Variants in RGS9 observed in about 807,000 individuals in gnomAD.
The protein encoded by RGS9 is regulator of G protein signaling 9, also known as regulator of G-protein signalling 9.
RGS9 carries 78 observed loss-of-function variants against 102.0 expected under a neutral mutation model. The observed-to-expected ratio is 0.76, with a 90% confidence interval of 0.64 to 0.92. RGS9 has a LOEUF of 0.92. Among genes scored for constraint, RGS9 ranks in the 40% least tolerant of loss-of-function variants. The probability of loss-of-function intolerance (pLI) is 0.00; values close to 1 mark genes in which losing one functional copy is unlikely to be tolerated. For missense variants in RGS9, 833 were observed against 866.1 expected (o/e 0.96, Z 0.48); for synonymous variants, 353 against 318.6 (o/e 1.11, Z -1.15).
Position 65,160,279 on chromosome 17 carries a change from C to T in RGS9, c.252C>T (p.Tyr84=), listed in dbSNP as rs751169291. Reference sequence around the variant, plus strand: ...TTATTGTCAGGTATGGCTACATTTACCCCCTGCAAGACCCCAAGAATCTCA... The same window carrying T: ...TTATTGTCAGGTATGGCTACATTTATCCCCTGCAAGACCCCAAGAATCTCA... The part of the protein sequence containing the change: ...GNFIVRYGYI[Y]PLQDPKNLIL... Residue 84 remains tyrosine (Y), a synonymous_variant, in exon 4 of 19, where the codon TAC becomes TAT. Coordinates refer to ENST00000262406, the MANE Select transcript of RGS9 (RefSeq NM_003835.4). 30 of 1,614,200 alleles carry T rather than the reference C, an allele frequency of 1.9e-5. No individual in the cohort carries two copies. The highest frequency in any genetic ancestry group is 1.6e-4 in the Middle Eastern group (1 of 6,062).
intron 1 of RGS9, among the ~76,000 whole-genome samples, chr17:65,138,733 C>T (rs1302124609): frequency 2.0e-5 from 3 of 152,134 alleles, no homozygotes; most frequent in Non-Finnish European, 4.4e-5. Flanking sequence ...ACATCATCTT[C>T]CAGGATTTAT....
Position 65,137,511 on chromosome 17 carries a change from C to A in RGS9, c.-30C>A. On this transcript the variant is annotated 5_prime_UTR_variant, in exon 1 of 19. Coordinates refer to ENST00000262406, the MANE Select transcript of RGS9 (RefSeq NM_003835.4). ...CTTCTCCTCTTGTCTCCCACTGGTG[C>A]TCTGGCTGTGAATCCATCCAGGGGC... 6.2e-7 allele frequency: 1 copy of A among 1,608,822 alleles called. No individual in the cohort carries two copies. Among genetic ancestry groups the A allele is most frequent in the East Asian group, 2.2e-5 (1 of 44,856 alleles).
In RGS9 at chr17:65,138,343, A is replaced by T. The variant is rs140446585; in HGVS notation, c.57+746A>T. 3.1e-3 allele frequency among the ~76,000 whole-genome samples: 476 copies of T among 152,272 alleles called. 5 individuals carry two copies. The highest frequency in any genetic ancestry group is 0.011 in the African/African-American group (451 of 41,546). On this transcript the variant is annotated intron_variant, in intron 1 of 18. Transcript: ENST00000262406. ...CATCTTTGTCCTTCCTCCCACCCGT[A>T]GCCACTTTTCACAGCGTAGTGTCCA...
At chr17:65,196,732 A>G (rs566459888) in intron 12 of RGS9, among the ~76,000 whole-genome samples, 16 of 151,944 alleles carry the variant, frequency 1.1e-4, no homozygotes, top group Non-Finnish European at 2.2e-4. Context: ...TGATTGTAGC[A>G]CCCATCACCA....
At chr17:65,168,427 C>A in intron 8 of RGS9, 146 bp downstream of exon 8, 1 of 683,890 alleles carries the variant, frequency 1.5e-6, no homozygotes, top group Non-Finnish European at 2.7e-6. Context: ...GGTTAGCATC[C>A]AAGTGCCTCT....
chr17:65,164,672 CA>C lies in RGS9; in HGVS notation c.500+1584del, dbSNP rs372110226. Among the ~76,000 whole-genome samples the C allele has an allele frequency of 2.9e-3, 446 of 152,268 alleles. 1 individual carries two copies. Among genetic ancestry groups the C allele is most frequent in the African/African-American group, 0.01 (419 of 41,554 alleles). On this transcript the variant is annotated intron_variant, in intron 7 of 18. Coordinates refer to ENST00000262406, the MANE Select transcript of RGS9 (RefSeq NM_003835.4). Reference sequence around the variant, plus strand: ...ATGGCGGAACAGCTTTATTGCCCTCCAGGGGGGAAAATATGTTCTTAGGGTT... The same window carrying C: ...ATGGCGGAACAGCTTTATTGCCCTCCGGGGGGAAAATATGTTCTTAGGGTT...
At position 65,161,708 on chromosome 17, in the gene RGS9, A is replaced by ATATTTATTTATT. The variant is rs3034082; in HGVS notation, c.423+817_423+828dup. Among the ~76,000 whole-genome samples, 8 of 137,306 alleles carry ATATTTATTTATT rather than the reference A, an allele frequency of 5.8e-5. No individual in the cohort carries two copies. In the East Asian group the frequency reaches 1.4e-3, roughly 24 times the overall value. The allele number at this position is 137,306 out of a possible 152,430, so 90.1% of individuals were successfully genotyped here. A position where few individuals can be genotyped will look rare whatever the true frequency, so the allele number is the denominator to read the frequency against. On this transcript the variant is annotated intron_variant, in intron 6 of 18. Coordinates refer to ENST00000262406, the MANE Select transcript of RGS9 (RefSeq NM_003835.4). ...TTGCTGTGTTTTTATTTTTATTTAT[A>ATATTTATTTATT]TATTTATTTATTTATTTATTTATTT...
intron 1 of RGS9, among the ~76,000 whole-genome samples, chr17:65,141,931 T>C (rs1037418974): frequency 3.3e-5 from 5 of 152,094 alleles, no homozygotes; most frequent in African/African-American, 1.2e-4. Context: ...GGAAGTGAGT[T>C]TGGCGTTGAT....
At chr17:65,175,082 A>C (rs1207248024) in intron 8 of RGS9, among the ~76,000 whole-genome samples, 1 of 141,232 alleles carries the variant, frequency 7.1e-6, no homozygotes, top group Non-Finnish European at 1.5e-5. Context: ...AAACCATATT[A>C]ATGTGTGTGT....
In RGS9 at chr17:65,164,710, A is replaced by G. The variant is rs186056253; in HGVS notation, c.500+1621A>G. ...ATGTTCTTAGGGTTTAGAATCAGGTAGAACATCAGTGAGAGAGCTGCCACT... is the reference window on the plus strand; with the variant it reads ...ATGTTCTTAGGGTTTAGAATCAGGTGGAACATCAGTGAGAGAGCTGCCACT... On this transcript the variant is annotated intron_variant, in intron 7 of 18. Coordinates refer to ENST00000262406, the MANE Select transcript of RGS9 (RefSeq NM_003835.4). 5.3e-5 allele frequency among the ~76,000 whole-genome samples: 8 copies of G among 152,344 alleles called. 1 individual carries two copies. Among genetic ancestry groups the G allele is most frequent in the Admixed American group, 5.2e-4 (8 of 15,296 alleles).
At chr17:65,140,535 T>C (rs1214898916) in intron 1 of RGS9, among the ~76,000 whole-genome samples, 2 of 152,104 alleles carry the variant, frequency 1.3e-5, no homozygotes, top group African/African-American at 4.8e-5. Context: ...GGAGCCACTA[T>C]AGAAATTGGA....
At chr17:65,138,767 A>G (rs1282400986) in intron 1 of RGS9, among the ~76,000 whole-genome samples, 1 of 152,148 alleles carries the variant, frequency 6.6e-6, no homozygotes, top group Admixed American at 6.5e-5. Context: ...CCTCCCAGGC[A>G]GGACAGCTCT....
intron 1 of RGS9, among the ~76,000 whole-genome samples, chr17:65,151,606 C>T (rs1910584100): frequency 1.3e-5 from 2 of 152,146 alleles, no homozygotes; most frequent in Non-Finnish European, 2.9e-5. Flanking sequence ...CAATCACCTC[C>T]CAGACATTGT....
chr17:65,198,661 C>T (rs1471680114), intron 13 of RGS9, among the ~76,000 whole-genome samples: 3 of 152,346 alleles, frequency 2.0e-5, no homozygotes, highest in African/African-American at 7.2e-5. Flanking sequence ...GAAATATTTA[C>T]CTTTACGGGA....
At chr17:65,157,590 T>G (rs1251064567) in intron 2 of RGS9, among the ~76,000 whole-genome samples, 2 of 152,042 alleles carry the variant, frequency 1.3e-5, no homozygotes, top group African/African-American at 4.8e-5. Context: ...TTTTGTGTGT[T>G]GTTCCCAAGC....
chr17:65,160,764 T>A, intron 5 of RGS9, 87 bp from the exon 6 acceptor site: 3 of 1,475,928 alleles, frequency 2.0e-6, no homozygotes, highest in Admixed American at 3.4e-5. Context: ...TCTCCCCGAC[T>A]CTGAGCACAG....
At chr17:65,155,409 G>T (rs763288607) in intron 2 of RGS9, among the ~76,000 whole-genome samples, 1 of 152,224 alleles carries the variant, frequency 6.6e-6, no homozygotes, top group Non-Finnish European at 1.5e-5. Flanking sequence ...GTTAGTAAAA[G>T]TTTATTGAAT....
chr17:65,190,107 G>T, intron 10 of RGS9, 68 bp from the exon 11 acceptor site: 1 of 1,261,214 alleles, frequency 7.9e-7, no homozygotes, highest in East Asian at 2.3e-5. Context: ...TGGGTTTGGA[G>T]GCTGTGTGTA....
chr17:65,169,934 A>C (rs1598581548), intron 8 of RGS9, among the ~76,000 whole-genome samples: 2 of 144,112 alleles, frequency 1.4e-5, no homozygotes, highest in African/African-American at 2.6e-5. Flanking sequence ...TTTCTCCACC[A>C]CCTCCACCAC....
Sources: gnomAD v4.1 joint callset for allele counts (sites outside exome capture counted in the v4.1 genomes callset) on GRCh38, gnomAD v4.1.1 for gene constraint, MANE v1.5 for transcripts, NCBI Gene and HGNC (gene_info 2026-07-23, HGNC 2026-07-21) for gene names.